The following PDE4B variants were observed in gnomAD, a reference collection of about 807,000 sequenced individuals.
PDE4B encodes phosphodiesterase 4B, also known as 3',5'-cyclic-AMP phosphodiesterase 4B.
PDE4B carries 20 observed loss-of-function variants against 82.2 expected under a neutral mutation model. The observed-to-expected ratio is 0.24, with a 90% CI of 0.17 to 0.35. PDE4B has a LOEUF of 0.35. Ranked by LOEUF, PDE4B falls within the 10% of genes least tolerant of loss-of-function variation. The probability of loss-of-function intolerance (pLI) is 1.00; values close to 1 mark genes in which losing one functional copy is unlikely to be tolerated. For synonymous variants in PDE4B, 320 were observed against 318.9 expected, an observed-to-expected ratio of 1.00 and a Z score of -0.04; for missense variants, 655 against 907.2, an observed-to-expected ratio of 0.72 and a Z score of 3.57.
At chr1:66,131,609 ATATATATATATATAT>A (rs1380232725) in intron 3 of PDE4B, among the ~76,000 whole-genome samples, 1 of 103,028 alleles carries the variant, frequency 9.7e-6, no homozygotes. Flanking sequence ...ATATATATAT[ATATATATATATATAT>A]ATATATATAT....
intron 1 of PDE4B, among the ~76,000 whole-genome samples, chr1:65,910,749 T>A (rs986464354): frequency 2.0e-5 from 3 of 152,264 alleles, no homozygotes; most frequent in African/African-American, 7.2e-5. Flanking sequence ...GAGGGTCCCC[T>A]CTTTCCTCCT....
chr1:65,939,546 C>G (rs1200451678), intron 3 of PDE4B, among the ~76,000 whole-genome samples: 1 of 152,090 alleles, frequency 6.6e-6, no homozygotes, highest in Non-Finnish European at 1.5e-5. Context: ...CTCTTCATCA[C>G]AGAAGCTGAG....
intron 3 of PDE4B, among the ~76,000 whole-genome samples, chr1:66,200,690 T>A (rs181027624): frequency 1.1e-4 from 17 of 152,332 alleles, no homozygotes; most frequent in African/African-American, 3.8e-4. Flanking sequence ...TTTTGTACAC[T>A]GATTTTGTGT....
intron 1 of PDE4B, among the ~76,000 whole-genome samples, chr1:65,909,255 G>A (rs904990452): frequency 2.0e-5 from 3 of 151,896 alleles, no homozygotes; most frequent in Non-Finnish European, 4.4e-5. Flanking sequence ...TTTTAAATTG[G>A]AAAAAAAGTA....
At chr1:66,135,193 A>T (rs1157852519) in intron 3 of PDE4B, among the ~76,000 whole-genome samples, 1 of 152,252 alleles carries the variant, frequency 6.6e-6, no homozygotes, top group Non-Finnish European at 1.5e-5. Context: ...TTACAGTTGG[A>T]AGCAATATGT....
intron 3 of PDE4B, among the ~76,000 whole-genome samples, chr1:66,163,102 C>T (rs114633453): frequency 1.3e-5 from 2 of 152,128 alleles, no homozygotes; most frequent in Non-Finnish European, 2.9e-5. Context: ...AAGAAGTGTG[C>T]TCAACTCCTT....
intron 7 of PDE4B, among the ~76,000 whole-genome samples, chr1:66,325,793 A>T (rs1403522054): frequency 6.6e-6 from 1 of 152,226 alleles, no homozygotes; most frequent in African/African-American, 2.4e-5. Flanking sequence ...ACCCAGGACC[A>T]GAGAAGTGGT....
chr1:65,810,949 T>G (rs72931379), intron 1 of PDE4B, among the ~76,000 whole-genome samples: 10,595 of 152,248 alleles, frequency 0.07, 871 homozygotes, highest in African/African-American at 0.19. Flanking sequence ...ATTGATACTT[T>G]GGGCCAGATG....
At chr1:66,030,456 T>G (rs2455032) in intron 3 of PDE4B, among the ~76,000 whole-genome samples, 89,625 of 151,988 alleles carry the variant, frequency 0.59, 26,928 homozygotes, top group Admixed American at 0.67. Context: ...TCTGGTAGAA[T>G]TTGGCTGTGA....
intron 3 of PDE4B, among the ~76,000 whole-genome samples, chr1:66,113,698 GA>G (rs1208898146): frequency 2.0e-5 from 3 of 152,168 alleles, no homozygotes; most frequent in Admixed American, 2.0e-4. Flanking sequence ...GATATGCAAA[GA>G]TATATTTACT....
At chr1:65,954,787 A>G (rs1649175315) in intron 3 of PDE4B, among the ~76,000 whole-genome samples, 1 of 152,082 alleles carries the variant, frequency 6.6e-6, no homozygotes, top group African/African-American at 2.4e-5. Context: ...TTGTTTGTGC[A>G]TGAATTCCTT....
In PDE4B at chr1:66,334,389, C is replaced by T. The variant is rs1660350090; in HGVS notation, c.747+1769C>T. On this transcript the variant is annotated intron_variant, in intron 8 of 16. Transcript: ENST00000341517. ...CTAGAGTGCTGGAATTAGACATTGA[C>T]TGTCTTGCAAATTTATTAAAAATAA... 2.0e-5 allele frequency among the ~76,000 whole-genome samples: 3 copies of T among 152,190 alleles called. No homozygotes were observed. The South Asian group carries it at 6.2e-4, about 32-fold the overall frequency.
intron 3 of PDE4B, among the ~76,000 whole-genome samples, chr1:65,977,232 T>G (rs1295061995): frequency 1.3e-5 from 2 of 152,206 alleles, no homozygotes; most frequent in African/African-American, 4.8e-5. Context: ...TTAAGGGATT[T>G]CTGGGTCCCA....
chr1:66,209,696 C>T (rs1265233721), intron 3 of PDE4B, among the ~76,000 whole-genome samples: 1 of 152,102 alleles, frequency 6.6e-6, no homozygotes, highest in Non-Finnish European at 1.5e-5. Flanking sequence ...TACTCCTTGC[C>T]CCAGGCTACC....
At chr1:66,355,017 A>C in intron 8 of PDE4B, 1 of 794,316 alleles carries the variant, frequency 1.3e-6, no homozygotes, top group Non-Finnish European at 2.0e-6. Context: ...ACCCACTGGG[A>C]CCTCTTATTT....
At chr1:66,026,046 G>A (rs1653415489) in intron 3 of PDE4B, among the ~76,000 whole-genome samples, 1 of 151,974 alleles carries the variant, frequency 6.6e-6, no homozygotes, top group Non-Finnish European at 1.5e-5. Context: ...TTGATCCTTA[G>A]ACTTACAACT....
intron 3 of PDE4B, among the ~76,000 whole-genome samples, chr1:66,057,272 A>G (rs946970281): frequency 2.0e-5 from 3 of 152,154 alleles, no homozygotes; most frequent in African/African-American, 7.2e-5. Flanking sequence ...CACTCTTACT[A>G]CATTATTGCA....
intron 3 of PDE4B, among the ~76,000 whole-genome samples, chr1:66,100,136 C>G (rs950917319): frequency 2.6e-5 from 4 of 151,660 alleles, no homozygotes; most frequent in Non-Finnish European, 5.9e-5. Flanking sequence ...TCACTGCAGT[C>G]TCCCCCTCCT....
chr1:65,903,960 C>T lies in PDE4B; in HGVS notation c.-70-9285C>T, dbSNP rs369559766. ...CATTTGAAGTCCTGGAAAGATTTCTCACATTTTTGTTATCTTCCTCTTATG... is the reference window on the plus strand; with the variant it reads ...CATTTGAAGTCCTGGAAAGATTTCTTACATTTTTGTTATCTTCCTCTTATG... On this transcript the variant is annotated intron_variant, in intron 1 of 16. Transcript: ENST00000341517. 3.9e-4 allele frequency among the ~76,000 whole-genome samples: 59 copies of T among 152,306 alleles called. No homozygotes were observed. In the South Asian group the frequency reaches 5.2e-3, roughly 13 times the overall value.
Sources: gnomAD v4.1 joint callset for allele counts (sites outside exome capture counted in the v4.1 genomes callset) on GRCh38, gnomAD v4.1.1 for gene constraint, MANE v1.5 for transcripts, NCBI Gene and HGNC (gene_info 2026-07-23, HGNC 2026-07-21) for gene names.